Variants in SEC61A2 observed in about 807,000 individuals in gnomAD.
SEC61A2 encodes the protein SEC61 translocon subunit alpha 2.
In SEC61A2, 28 loss-of-function variants were observed where a neutral mutation model predicts 59.9. That is an observed-to-expected ratio of 0.47 (90% CI 0.35 to 0.64). The LOEUF is 0.64. SEC61A2 is among the 30% of genes least tolerant of loss of function. The pLI is 0.01. For synonymous variants in SEC61A2, 202 were observed against 214.4 expected (o/e 0.94, Z 0.50); for missense variants, 340 against 585.9 (o/e 0.58, Z 4.33).
chr10:12,163,312 C>CTTTTT (rs3060465), intron 11 of SEC61A2, among the ~76,000 whole-genome samples: 1 of 68,584 alleles, frequency 1.5e-5, no homozygotes, highest in Non-Finnish European at 2.6e-5. Context: ...GGCCAGCTAG[C>CTTTTT]TTTTTTTTTT....
At chr10:12,135,219 G>A (rs1181091854) in intron 2 of SEC61A2, among the ~76,000 whole-genome samples, 1 of 152,050 alleles carries the variant, frequency 6.6e-6, no homozygotes, top group Admixed American at 6.6e-5. Flanking sequence ...AAACCTAGAC[G>A]ACAAGTTGAT....
Position 12,161,361 on chromosome 10 carries a change from C to T in SEC61A2, c.1167+240C>T, listed in dbSNP as rs898632466. Among the ~76,000 whole-genome samples the T allele has an allele frequency of 2.0e-5, 3 of 152,190 alleles. No homozygotes were observed. Among genetic ancestry groups the T allele is most frequent in the Admixed American group, 1.3e-4 (2 of 15,276 alleles). On this transcript the variant is annotated intron_variant, in intron 10 of 11. Transcript: ENST00000298428. This position sits in a 1 kb window ranked among gnomAD's most constrained non-coding sequence, Gnocchi z 5.4. ...TTGGGAAGTTGAGACGGAGCAGTAA[C>T]GCTTGAGTCCGGGAGGTGGAGGTTG...
In SEC61A2 at chr10:12,155,167, A is replaced by G; in HGVS notation, c.463-611A>G. ...TTAACCGTCTTCAAATTTACATTCA[A>G]TCTTTGTCACTATGTGTATAGAATG... On this transcript the variant is annotated intron_variant, in intron 6 of 11. Transcript: ENST00000298428. The surrounding 1 kb of genome is among the most constrained non-coding windows in gnomAD (Gnocchi z 4.3). 1 of 440,488 alleles carries G rather than the reference A, an allele frequency of 2.3e-6. No individual in the cohort carries two copies. The highest frequency in any genetic ancestry group is 3.7e-6 in the Non-Finnish European group (1 of 271,086). The allele number at this position is 440,488 out of a possible 1,614,324, so 27.3% of individuals were successfully genotyped here.
chr10:12,163,153 G>A lies in SEC61A2; in HGVS notation c.1244+864G>A, dbSNP rs78235112. ...TGAGGTTCCACTGCTGCCTGTCCTC[G>A]CCAGCACTAGCTCTGGCTTTTTAAT... On this transcript the variant is annotated intron_variant, in intron 11 of 11. Transcript: ENST00000298428. 2.3e-3 allele frequency among the ~76,000 whole-genome samples: 351 copies of A among 152,038 alleles called. 4 individuals are homozygous for A. The highest frequency in any genetic ancestry group is 0.014 in the East Asian group (75 of 5,182).
At chr10:12,133,892 G>T (rs1231223449) in intron 2 of SEC61A2, among the ~76,000 whole-genome samples, 1 of 152,154 alleles carries the variant, frequency 6.6e-6, no homozygotes, top group South Asian at 2.1e-4. Flanking sequence ...ATCCTAGATT[G>T]GCCAATTTCT....
rs1834525632 is a variant in SEC61A2 at position 12,161,442 on chromosome 10, G to A, written c.1167+321G>A. The stretch of plus-strand genomic sequence containing the variant: ...AGCCTGGGTGACAGAGCGAGATCCT[G>A]TCTCAAAAAAATAAAAAAGGCCAGG... On this transcript the variant is annotated intron_variant, in intron 10 of 11. Transcript: ENST00000298428. The surrounding 1 kb of genome is among the most constrained non-coding windows in gnomAD (Gnocchi z 5.4). 6.6e-6 allele frequency among the ~76,000 whole-genome samples: 1 copy of A among 151,560 alleles called. No individual in the cohort carries two copies. Among genetic ancestry groups the A allele is most frequent in the African/African-American group, 2.4e-5 (1 of 41,258 alleles).
intron 3 of SEC61A2, among the ~76,000 whole-genome samples, chr10:12,138,984 C>T (rs561369285): frequency 8.2e-4 from 119 of 145,410 alleles, no homozygotes; most frequent in African/African-American, 2.9e-3. Context: ...TTGTTTGAGA[C>T]GTAGTCTCGC....
chr10:12,169,472 T>C, downstream of SEC61A2: 1 of 598,522 alleles, frequency 1.7e-6, no homozygotes, highest in Non-Finnish European at 2.9e-6. This position sits in a 1 kb window ranked among gnomAD's most constrained non-coding sequence, Gnocchi z 4.8. Context: ...TAGCTAATTA[T>C]GGTCCGCGGA....
Position 12,153,901 on chromosome 10 carries a change from T to C in SEC61A2, c.463-1877T>C. The C allele has an allele frequency of 8.0e-7, 1 of 1,245,408 alleles. No homozygotes were observed. The highest frequency in any genetic ancestry group is 1.1e-6 in the Non-Finnish European group (1 of 924,594). The allele number at this position is 1,245,408 out of a possible 1,614,324, so 77.1% of individuals were successfully genotyped here. A position where few individuals can be genotyped will look rare whatever the true frequency, so the allele number is the denominator to read the frequency against. On this transcript the variant is annotated intron_variant, in intron 6 of 11. Coordinates refer to ENST00000298428, the MANE Select transcript of SEC61A2 (RefSeq NM_018144.4). The surrounding 1 kb of genome is among the most constrained non-coding windows in gnomAD (Gnocchi z 5.2). ...ATTCACGTGGTTAGTGTTTTTCAGC[T>C]AGTGAGTTTAGAAATCTACATAGCA...
Position 12,143,518 on chromosome 10 carries a change from T to G in SEC61A2, c.220+323T>G, listed in dbSNP as rs1384630582. 6.6e-6 allele frequency among the ~76,000 whole-genome samples: 1 copy of G among 152,136 alleles called. No homozygotes were observed. The highest frequency in any genetic ancestry group is 2.4e-5 in the African/African-American group (1 of 41,440). On this transcript the variant is annotated intron_variant, in intron 4 of 11. Transcript: ENST00000298428. This position sits in a 1 kb window ranked among gnomAD's most constrained non-coding sequence, Gnocchi z 4.8. Reference sequence around the variant, plus strand: ...GGGAGGCCAAGGTGGGCAGATCACCTGAGGTCAGGAGTTTGAGACCAGCCT... The same window carrying G: ...GGGAGGCCAAGGTGGGCAGATCACCGGAGGTCAGGAGTTTGAGACCAGCCT...
rs140296730 is a variant in SEC61A2, at chr10:12,145,898, G to T, written c.220+2703G>T. ...TGGTTATTTTTTGGAATCTACAGTG[G>T]AGATGAACAGCTAAGCCCCAGGAAG... On this transcript the variant is annotated intron_variant, in intron 4 of 11. Transcript: ENST00000298428. This position sits in a 1 kb window ranked among gnomAD's most constrained non-coding sequence, Gnocchi z 4.4. Among the ~76,000 whole-genome samples, 1 of 152,344 alleles carries T rather than the reference G, an allele frequency of 6.6e-6. No individual in the cohort carries two copies. The highest frequency in any genetic ancestry group is 2.4e-5 in the African/African-American group (1 of 41,580).
Position 12,160,893 on chromosome 10 carries a change from AG to A in SEC61A2, c.976-35del. 2 of 1,548,064 alleles carry A rather than the reference AG, an allele frequency of 1.3e-6. No individual in the cohort carries two copies. The highest frequency in any genetic ancestry group is 1.8e-6 in the Non-Finnish European group (2 of 1,138,786). On this transcript the variant is annotated intron_variant, in intron 9 of 11. Coordinates refer to ENST00000298428, the MANE Select transcript of SEC61A2 (RefSeq NM_018144.4). The surrounding 1 kb of genome is among the most constrained non-coding windows in gnomAD (Gnocchi z 4.1). The stretch of plus-strand genomic sequence containing the variant: ...CATGCAAATGTATTCCTGACTAATT[AG>A]GTTGACCACTTGTTCTTTGTACTCC...
chr10:12,137,075 A>G (rs79868607), intron 3 of SEC61A2, among the ~76,000 whole-genome samples: 3,579 of 150,256 alleles, frequency 0.024, 79 homozygotes, highest in Non-Finnish European at 0.033. Flanking sequence ...TTTATCTGGC[A>G]ATTTTTTGTT....
At position 12,164,242 on chromosome 10, in the gene SEC61A2, G is replaced by A. The variant is rs777711340; in HGVS notation, c.1245-26G>A. ...CGTGCTGTTCCTGGTCTCTGCTGCCGCCTAACTTGGGGTTCTGTCTCCTAG... is the reference window on the plus strand; with the variant it reads ...CGTGCTGTTCCTGGTCTCTGCTGCCACCTAACTTGGGGTTCTGTCTCCTAG... On this transcript the variant is annotated intron_variant, in intron 11 of 11. Coordinates refer to ENST00000298428, the MANE Select transcript of SEC61A2 (RefSeq NM_018144.4). The surrounding 1 kb of genome is among the most constrained non-coding windows in gnomAD (Gnocchi z 7.3). The A allele has an allele frequency of 1.3e-5, 21 of 1,610,560 alleles. No homozygotes were observed. The highest frequency in any genetic ancestry group is 9.4e-5 in the African/African-American group (7 of 74,792).
In SEC61A2 at chr10:12,156,707, A is replaced by G. The variant is rs1284648325; in HGVS notation, c.617-200A>G. Among the ~76,000 whole-genome samples, 2 of 152,240 alleles carry G rather than the reference A, an allele frequency of 1.3e-5. No homozygotes were observed. The highest frequency in any genetic ancestry group is 4.8e-5 in the African/African-American group (2 of 41,460). ...AGTCTCTTGAGAAAACTTCGGATTT[A>G]TGCTATAAAAACATAGATTTGCCTC... On this transcript the variant is annotated intron_variant, in intron 7 of 11. Coordinates refer to ENST00000298428, the MANE Select transcript of SEC61A2 (RefSeq NM_018144.4). The surrounding 1 kb of genome is among the most constrained non-coding windows in gnomAD (Gnocchi z 5.2).
chr10:12,137,195 C>G (rs1331872540), intron 3 of SEC61A2, among the ~76,000 whole-genome samples: 1 of 152,156 alleles, frequency 6.6e-6, no homozygotes, highest in African/African-American at 2.4e-5. Flanking sequence ...TGTGCCCCAC[C>G]ATGTCTGGCT....
At position 12,129,840 on chromosome 10, in the gene SEC61A2, C is replaced by T. The variant is rs1253647022; in HGVS notation, c.7+46C>T. ...CGGGGACTCTGGCTGGGAACGCAGGCCCCGCCTGGGCTGCGGGCGGTGGGG... is the reference window on the plus strand; with the variant it reads ...CGGGGACTCTGGCTGGGAACGCAGGTCCCGCCTGGGCTGCGGGCGGTGGGG... On this transcript the variant is annotated intron_variant, in intron 1 of 11. Coordinates refer to ENST00000298428, the MANE Select transcript of SEC61A2 (RefSeq NM_018144.4). The surrounding 1 kb of genome is among the most constrained non-coding windows in gnomAD (Gnocchi z 5.6). 5.9e-6 allele frequency: 8 copies of T among 1,352,988 alleles called. No individual in the cohort carries two copies. The highest frequency in any genetic ancestry group is 1.7e-5 in the South Asian group (1 of 58,668). 83.8% of individuals were successfully genotyped at this position (1,352,988 alleles called of 1,614,324 possible).
rs1834381067 is a variant in SEC61A2, at chr10:12,155,673, CTT to C, written c.463-104_463-103del. On this transcript the variant is annotated intron_variant, in intron 6 of 11. Transcript: ENST00000298428. This position sits in a 1 kb window ranked among gnomAD's most constrained non-coding sequence, Gnocchi z 4.3. ...CACAGTGAGATTGCAACGATCAGGC[CTT>C]AATATTCAAAACGCCCCTAGCTTGG... is the stretch of plus-strand genomic sequence containing the variant. The C allele has an allele frequency of 3.0e-6, 4 of 1,330,138 alleles. No homozygotes were observed. Among genetic ancestry groups the C allele is most frequent in the Admixed American group, 1.8e-5 (1 of 55,488 alleles). The allele number at this position is 1,330,138 out of a possible 1,614,324, so 82.4% of individuals were successfully genotyped here.
At chr10:12,137,487 T>C (rs1490417692) in intron 3 of SEC61A2, among the ~76,000 whole-genome samples, 1 of 151,970 alleles carries the variant, frequency 6.6e-6, no homozygotes. Context: ...TTTGGTATTG[T>C]AGAGATGAGG....
Sources: allele counts gnomAD v4.1 joint callset (sites outside exome capture counted in the v4.1 genomes callset), GRCh38; gene constraint gnomAD v4.1.1; non-coding constraint Gnocchi (gnomAD v3.1); transcripts MANE v1.5; gene names NCBI Gene and HGNC (gene_info 2026-07-23, HGNC 2026-07-21).